The following NAALADL2 variants were observed in gnomAD, a reference collection of about 807,000 sequenced individuals.
The protein encoded by NAALADL2 is N-acetylated alpha-linked acidic dipeptidase like 2, also known as inactive N-acetylated-alpha-linked acidic dipeptidase-like protein 2.
In NAALADL2, 76 loss-of-function variants were observed where a neutral mutation model predicts 87.2. The observed-to-expected ratio is 0.87, with a 90% CI of 0.72 to 1.05. The LOEUF is 1.05. Ranked by LOEUF, NAALADL2 falls within the 50% of genes least tolerant of loss-of-function variation. NAALADL2 has a pLI of 0.00. For missense variants in NAALADL2, 1,089 were observed against 945.8 expected, an observed-to-expected ratio of 1.15 and a Z score of -1.99; for synonymous variants, 354 against 331.0, an observed-to-expected ratio of 1.07 and a Z score of -0.75.
chr3:175,003,906 AGAGACT>A (rs1271018046), intron 1 of NAALADL2, among the ~76,000 whole-genome samples: 1 of 152,206 alleles, frequency 6.6e-6, no homozygotes, highest in Non-Finnish European at 1.5e-5. Context: ...AAAGTTCAAA[AGAGACT>A]TCGAAGACAG....
chr3:175,751,652 G>C (rs756782312), intron 12 of NAALADL2, among the ~76,000 whole-genome samples: 2 of 152,072 alleles, frequency 1.3e-5, no homozygotes, highest in African/African-American at 2.4e-5. Context: ...TTGATATCCA[G>C]TCTTTGGTGT....
chr3:175,295,149 C>T (rs1553851531), intron 4 of NAALADL2, among the ~76,000 whole-genome samples: 1 of 152,092 alleles, frequency 6.6e-6, no homozygotes, highest in Admixed American at 6.5e-5. Context: ...TCCAGAAATT[C>T]AGAAATGAGA....
At chr3:174,764,545 G>T (rs543476269) in intron 3 of NAALADL2, among the ~76,000 whole-genome samples, 3 of 152,348 alleles carry the variant, frequency 2.0e-5, no homozygotes, top group African/African-American at 7.2e-5. Context: ...AGGAGGTGTA[G>T]GTTGCAATGA....
chr3:174,554,177 C>T (rs745653392), intron 2 of NAALADL2, among the ~76,000 whole-genome samples: 9 of 151,812 alleles, frequency 5.9e-5, no homozygotes, highest in Non-Finnish European at 1.3e-4. Flanking sequence ...GAAAAATTAA[C>T]CATTCTTCCA....
chr3:175,693,787 G>A lies in NAALADL2; in HGVS notation c.1897-43519G>A, dbSNP rs183665914. ...AATCTCAGCTCACTGCAACCTCCCC[G>A]ACCCGGGTTCAAGCGATTCTCCTGC... On this transcript the variant is annotated intron_variant, in intron 11 of 13. Coordinates refer to ENST00000454872, the MANE Select transcript of NAALADL2 (RefSeq NM_207015.3). 1.4e-3 allele frequency among the ~76,000 whole-genome samples: 208 copies of A among 152,008 alleles called. 1 individual carries two copies. Among genetic ancestry groups the A allele is most frequent in the Non-Finnish European group, 5.4e-4 (37 of 67,942 alleles).
chr3:175,354,180 G>C lies in NAALADL2; in HGVS notation c.1090+29855G>C, dbSNP rs538805161. 1.3e-4 allele frequency among the ~76,000 whole-genome samples: 20 copies of C among 152,250 alleles called. No individual in the cohort carries two copies. In the East Asian group the frequency reaches 3.9e-3, roughly 29 times the overall value. On this transcript the variant is annotated intron_variant, in intron 5 of 13. Coordinates refer to ENST00000454872, the MANE Select transcript of NAALADL2 (RefSeq NM_207015.3). ...AAGTTATCAAACAAGAAGAGCAGTAGTAATGTACCTTATCGATGACACCTT... is the reference window on the plus strand; with the variant it reads ...AAGTTATCAAACAAGAAGAGCAGTACTAATGTACCTTATCGATGACACCTT...
rs115252711 is a variant in NAALADL2 at position 175,206,927 on chromosome 3, G to A, written c.546-27004G>A. ...AAGATTGAACTCATGATTATTGAGAGGACAAAGTGGTAAAATGAAGAGAAA... is the reference window on the plus strand; with the variant it reads ...AAGATTGAACTCATGATTATTGAGAAGACAAAGTGGTAAAATGAAGAGAAA... On this transcript the variant is annotated intron_variant, in intron 2 of 13. Coordinates refer to ENST00000454872, the MANE Select transcript of NAALADL2 (RefSeq NM_207015.3). Among the ~76,000 whole-genome samples, 243 of 152,142 alleles carry A rather than the reference G, an allele frequency of 1.6e-3. 1 individual carries two copies. The highest frequency in any genetic ancestry group is 5.6e-3 in the African/African-American group (232 of 41,530).
chr3:175,801,488 T>C (rs2108351323), intron 13 of NAALADL2, among the ~76,000 whole-genome samples: 1 of 152,216 alleles, frequency 6.6e-6, no homozygotes, highest in Non-Finnish European at 1.5e-5. Flanking sequence ...TAATTTTGTG[T>C]CTTTGCTTAT....
At chr3:175,466,601 G>A (rs1172472485) in intron 7 of NAALADL2, among the ~76,000 whole-genome samples, 1 of 152,086 alleles carries the variant, frequency 6.6e-6, no homozygotes, top group Non-Finnish European at 1.5e-5. Flanking sequence ...CTTCTTAAAT[G>A]TATTAATAGT....
At chr3:175,177,294 A>C (rs1310798692) in intron 2 of NAALADL2, among the ~76,000 whole-genome samples, 1 of 152,110 alleles carries the variant, frequency 6.6e-6, no homozygotes, top group Non-Finnish European at 1.5e-5. Context: ...TAAAGCTGCT[A>C]TCTGACCTCT....
chr3:175,470,041 C>A (rs942688688), intron 8 of NAALADL2, among the ~76,000 whole-genome samples: 7 of 152,042 alleles, frequency 4.6e-5, no homozygotes, highest in Non-Finnish European at 4.4e-5. Context: ...ATATGGATAA[C>A]AGTGAAAGCA....
chr3:175,324,430 A>G (rs907642048), intron 5 of NAALADL2, 105 bp downstream of exon 5: 2 of 847,556 alleles, frequency 2.4e-6, no homozygotes, highest in Non-Finnish European at 3.5e-6. Flanking sequence ...AATAATTCTT[A>G]GCATCCCATC....
At chr3:174,968,391 C>G (rs1187029823) in intron 1 of NAALADL2, among the ~76,000 whole-genome samples, 1 of 152,108 alleles carries the variant, frequency 6.6e-6, no homozygotes, top group Non-Finnish European at 1.5e-5. Context: ...GAAGCCAAGG[C>G]TCAAATACAA....
chr3:175,564,021 T>G (rs558749718), intron 9 of NAALADL2, among the ~76,000 whole-genome samples: 1 of 152,316 alleles, frequency 6.6e-6, no homozygotes, highest in South Asian at 2.1e-4. Flanking sequence ...GCTGATGGCG[T>G]TATTTCCTCT....
intron 2 of NAALADL2, among the ~76,000 whole-genome samples, chr3:174,649,283 T>C (rs942637434): frequency 1.3e-5 from 2 of 152,148 alleles, no homozygotes; most frequent in African/African-American, 2.4e-5. Flanking sequence ...TTTAACTCAT[T>C]GTATTACTCT....
In NAALADL2 at chr3:174,965,718, AAAG is replaced by A. The variant is rs1174724597; in HGVS notation, c.43+106272_43+106274del. 3.3e-5 allele frequency among the ~76,000 whole-genome samples: 5 copies of A among 152,284 alleles called. No homozygotes were observed. In the East Asian group the frequency reaches 9.7e-4, roughly 29 times the overall value. On this transcript the variant is annotated intron_variant, in intron 1 of 13. Transcript: ENST00000454872. Reference sequence around the variant, plus strand: ...TACGGGAAAGGATCGATATAAAAATAAAGAAGCAGTGAATGTGTCTTTCAGCGA... The same window carrying A: ...TACGGGAAAGGATCGATATAAAAATAAAGCAGTGAATGTGTCTTTCAGCGA...
In NAALADL2 at chr3:174,660,497, A is replaced by C. The variant is rs138285273; in HGVS notation, c.-114-77144A>C. Among the ~76,000 whole-genome samples, 430 of 152,270 alleles carry C rather than the reference A, an allele frequency of 2.8e-3. 2 individuals carry two copies. Among genetic ancestry groups the C allele is most frequent in the African/African-American group, 1.0e-2 (415 of 41,564 alleles). Reference sequence around the variant, plus strand: ...GTTCACAATGACAATATTTCTTAAAAATTTGTAGGTTGATTTTGAACCTCA... The same window carrying C: ...GTTCACAATGACAATATTTCTTAAACATTTGTAGGTTGATTTTGAACCTCA... On this transcript the variant is annotated intron_variant, in intron 2 of 3. Coordinates refer to the NAALADL2 transcript ENST00000434257.
rs554932904 is a variant in NAALADL2, at chr3:174,944,401, T to A, written c.43+84951T>A. On this transcript the variant is annotated intron_variant, in intron 1 of 13. Transcript: ENST00000454872. The stretch of plus-strand genomic sequence containing the variant: ...AAAGCCAAAGGCTGTAATGGCTAAG[T>A]AGCCCAAATAGCAAAGATGTTGGCC... Among the ~76,000 whole-genome samples the A allele has an allele frequency of 1.9e-4, 29 of 152,260 alleles. No individual in the cohort carries two copies. The East Asian group carries it at 5.4e-3, about 28-fold the overall frequency.
intron 2 of NAALADL2, among the ~76,000 whole-genome samples, chr3:174,723,940 C>T (rs1212962398): frequency 6.6e-6 from 1 of 151,722 alleles, no homozygotes; most frequent in African/African-American, 2.4e-5. Context: ...ATATGCAATC[C>T]CTTGATGACG....
Sources: gnomAD v4.1 joint callset for allele counts (sites outside exome capture counted in the v4.1 genomes callset) on GRCh38, gnomAD v4.1.1 for gene constraint, MANE v1.5 for transcripts, NCBI Gene and HGNC (gene_info 2026-07-23, HGNC 2026-07-21) for gene names.